Variants in VWA5B1 observed in about 807,000 individuals in gnomAD.
VWA5B1 encodes von Willebrand factor A domain-containing protein 5B1.
Under a neutral mutation model 118.2 loss-of-function variants are expected in VWA5B1, and 115 were observed. The observed-to-expected ratio is 0.97, with a 90% CI of 0.84 to 1.14. The LOEUF is 1.14. Ranked by LOEUF, VWA5B1 falls within the 50% of genes most tolerant of loss-of-function variation. VWA5B1 has a pLI of 0.00. For synonymous variants in VWA5B1, 682 were observed against 658.4 expected (o/e 1.04, Z -0.55); for missense variants, 1,596 against 1,603.8 (o/e 1.00, Z 0.08).
chr1:20,312,197 T>A (rs1177664786), intron 2 of VWA5B1, among the ~76,000 whole-genome samples: 1 of 152,256 alleles, frequency 6.6e-6, no homozygotes, highest in Non-Finnish European at 1.5e-5. Context: ...ACCCCAGAGC[T>A]ACTGAATCTG....
chr1:20,310,491 C>A, intron 1 of VWA5B1, 85 bp from the exon 2 acceptor site: 1 of 1,299,862 alleles, frequency 7.7e-7, no homozygotes, highest in Non-Finnish European at 1.0e-6. Flanking sequence ...GCTCTGATTG[C>A]TTGAGGGTGT....
At chr1:20,331,139 G>A (rs1018386935) in intron 11 of VWA5B1, among the ~76,000 whole-genome samples, 156 bp downstream of exon 11, 1 of 152,190 alleles carries the variant, frequency 6.6e-6, no homozygotes, top group Non-Finnish European at 1.5e-5. Flanking sequence ...AGACTTGCAA[G>A]CCACAGAGCA....
intron 1 of VWA5B1, among the ~76,000 whole-genome samples, chr1:20,310,297 T>C (rs2088808245): frequency 6.6e-6 from 1 of 152,166 alleles, no homozygotes; most frequent in Admixed American, 6.5e-5. Context: ...GCTCTAGCCC[T>C]GACTGTGCGC....
At chr1:20,292,171 C>T (rs2088321748) in intron 1 of VWA5B1, among the ~76,000 whole-genome samples, 1 of 151,354 alleles carries the variant, frequency 6.6e-6, no homozygotes, top group Non-Finnish European at 1.5e-5. Context: ...TTTCTTTCCT[C>T]CCCCCCTCCT....
At chr1:20,332,993 A>G in intron 12 of VWA5B1, 42 bp downstream of exon 12, 1 of 1,539,974 alleles carries the variant, frequency 6.5e-7, no homozygotes, top group Non-Finnish European at 8.8e-7. Context: ...TGGGCCCAGA[A>G]CCCATGCCTA....
chr1:20,336,629 A>T, intron 13 of VWA5B1, 143 bp downstream of exon 13: 1 of 1,011,594 alleles, frequency 9.9e-7, no homozygotes, highest in Non-Finnish European at 1.3e-6. Context: ...GGAAATTGAG[A>T]CTTGGAGAAT....
Position 20,353,949 on chromosome 1 carries a change from T to C in VWA5B1, c.3334T>C (p.Cys1112Arg). Residue 1112 changes from cysteine (C) to arginine (R), a missense_variant, in exon 22 of 22, where the codon TGT becomes CGT. Physicochemically the swap from Cys to Arg is radical, Grantham distance 180. Transcript: ENST00000289815. ...CAGCTCCCCGCCTAGGCACCCGTCC[T>C]GTGACAGCTTCTCCCTGGAGCCTCT... ...CTSSPPRHPS[C>R]DSFSLEPLAK... The C allele has an allele frequency of 6.4e-7, 1 of 1,551,504 alleles. No individual in the cohort carries two copies. The highest frequency in any genetic ancestry group is 8.7e-7 in the Non-Finnish European group (1 of 1,146,828).
At chr1:20,319,624 G>A in intron 7 of VWA5B1, 118 bp downstream of exon 7, 1 of 1,425,906 alleles carries the variant, frequency 7.0e-7, no homozygotes, top group Non-Finnish European at 9.4e-7. Flanking sequence ...CAGCAAGCTG[G>A]AGGCAGACAC....
intron 1 of VWA5B1, among the ~76,000 whole-genome samples, chr1:20,310,227 G>A (rs542706120): frequency 2.0e-5 from 3 of 152,192 alleles, no homozygotes; most frequent in Non-Finnish European, 2.9e-5. Context: ...TGAGCCCCTC[G>A]ACTCCCCTCC....
chr1:20,349,147 A>G, intron 18 of VWA5B1: 1 of 416,272 alleles, frequency 2.4e-6, no homozygotes. Context: ...CAAAAACAGA[A>G]ACAGAACACA....
chr1:20,291,780 G>A (rs1367746251), intron 1 of VWA5B1, among the ~76,000 whole-genome samples: 1 of 152,194 alleles, frequency 6.6e-6, no homozygotes, highest in African/African-American at 2.4e-5. Context: ...AAGGTAAGAG[G>A]GGAAGGAGAA....
intron 1 of VWA5B1, among the ~76,000 whole-genome samples, chr1:20,298,016 T>C (rs1054290889): frequency 7.3e-6 from 1 of 136,828 alleles, no homozygotes; most frequent in African/African-American, 2.8e-5. Context: ...TTTTTTTTTT[T>C]TTGTTTGTTC....
Position 20,359,126 on chromosome 1 carries a change from G to A in VWA5B1, c.*4863G>A, listed in dbSNP as rs546680914. ...TTACAGCCACGTCCCAACGCAATGCGCCTCATCTCAATGCCGCTGACTGTG... is the reference window on the plus strand; with the variant it reads ...TTACAGCCACGTCCCAACGCAATGCACCTCATCTCAATGCCGCTGACTGTG... On this transcript the variant is annotated 3_prime_UTR_variant, in exon 22 of 22. Transcript: ENST00000289815. Among the ~76,000 whole-genome samples the A allele has an allele frequency of 2.6e-3, 394 of 152,312 alleles. 2 individuals are homozygous for A. The highest frequency in any genetic ancestry group is 8.3e-3 in the African/African-American group (345 of 41,556).
intron 1 of VWA5B1, among the ~76,000 whole-genome samples, chr1:20,295,203 C>T (rs530473998): frequency 2.0e-5 from 3 of 152,056 alleles, no homozygotes; most frequent in Non-Finnish European, 2.9e-5. Flanking sequence ...GAGGGAGGAA[C>T]GTAAACAAGG....
intron 1 of VWA5B1, among the ~76,000 whole-genome samples, chr1:20,302,871 T>C (rs1032632626): frequency 2.0e-5 from 3 of 152,158 alleles, no homozygotes; most frequent in African/African-American, 7.2e-5. Flanking sequence ...TCAGCCTTGT[T>C]TGGAGACGTA....
chr1:20,317,750 GT>G, intron 5 of VWA5B1, 75 bp downstream of exon 5: 3 of 998,612 alleles, frequency 3.0e-6, no homozygotes, highest in Non-Finnish European at 4.4e-6. Flanking sequence ...TGGGACGGGG[GT>G]GGGAAGGAAA....
At chr1:20,312,706 G>C in intron 2 of VWA5B1, 130 bp from the exon 3 acceptor site, 1 of 1,271,362 alleles carries the variant, frequency 7.9e-7, no homozygotes, top group Non-Finnish European at 1.0e-6. Flanking sequence ...CTCTGCCGAG[G>C]CCTCTCGGCA....
chr1:20,342,373 TCC>T, intron 14 of VWA5B1, 57 bp from the exon 15 acceptor site: 1 of 987,906 alleles, frequency 1.0e-6, no homozygotes, highest in East Asian at 3.9e-5. Flanking sequence ...CTCCTCCTTC[TCC>T]TCCTCCTCCT....
In VWA5B1 at chr1:20,354,269, T is replaced by C; in HGVS notation, c.*6T>C. 1.3e-6 allele frequency: 2 copies of C among 1,505,892 alleles called. No individual in the cohort carries two copies. The highest frequency in any genetic ancestry group is 8.9e-7 in the Non-Finnish European group (1 of 1,119,444). 93.3% of individuals were successfully genotyped at this position (1,505,892 alleles called of 1,614,324 possible). ...ATAACCCGAATTATGTGTAGTTGAG[T>C]GACGGGGAGGCTGGGTGGAGGGAAG... On this transcript the variant is annotated 3_prime_UTR_variant, in exon 22 of 22. Transcript: ENST00000289815.
Sources: gnomAD v4.1 joint callset for allele counts (sites outside exome capture counted in the v4.1 genomes callset) on GRCh38, gnomAD v4.1.1 for gene constraint, MANE v1.5 for transcripts, NCBI Gene and HGNC (gene_info 2026-07-23, HGNC 2026-07-21) for gene names.